Variants in MATN4 observed in about 807,000 individuals in gnomAD.
The protein encoded by MATN4 is matrilin 4.
A neutral mutation model predicts 54.6 loss-of-function variants in MATN4; 40 were observed. The observed-to-expected ratio is 0.73, with a 90% CI of 0.57 to 0.95. The LOEUF (loss-of-function observed/expected upper bound fraction) is 0.95, where lower values mean the gene tolerates loss of function less well. Among genes scored for constraint, MATN4 ranks in the 40% least tolerant of loss-of-function variants. MATN4 has a pLI of 0.00. For synonymous variants in MATN4, 351 were observed against 345.3 expected (o/e 1.02, Z -0.18); for missense variants, 810 against 819.1 (o/e 0.99, Z 0.13).
In MATN4 at chr20:45,293,781, C is replaced by T. The variant is rs138514564; in HGVS notation, c.1732G>A (p.Ala578Thr). ...GTCCGTGGCCCTCACTTCTGGTTGGCCAGCTGGTTCTCCAGATCCTCCAGG... is the reference window on the plus strand; with the variant it reads ...GTCCGTGGCCCTCACTTCTGGTTGGTCAGCTGGTTCTCCAGATCCTCCAGG... ...ARLEDLENQL[A>T]NQK Residue 578 changes from alanine (A) to threonine (T), a missense_variant, in exon 10 of 10, where the codon GCC becomes ACC. Transcript: ENST00000372756. 5 of 1,609,248 alleles carry T rather than the reference C, an allele frequency of 3.1e-6. No individual in the cohort carries two copies. Among genetic ancestry groups the T allele is most frequent in the African/African-American group, 1.3e-5 (1 of 75,022 alleles).
chr20:45,305,292 T>C (rs1986531215), intron 2 of MATN4, among the ~76,000 whole-genome samples: 1 of 152,176 alleles, frequency 6.6e-6, no homozygotes, highest in Non-Finnish European at 1.5e-5. Context: ...TTTTTCCAAA[T>C]TAAACACCCC....
intron 3 of MATN4, 28 bp from the exon 4 acceptor site, chr20:45,301,471 C>T (rs766062587): frequency 1.2e-5 from 20 of 1,605,060 alleles, no homozygotes; most frequent in African/African-American, 2.7e-5. Context: ...TCAGTCTATG[C>T]CCAGGACTGC....
In MATN4 at chr20:45,298,513, G is replaced by C. The variant is rs779994527; in HGVS notation, c.1083C>G (p.Phe361Leu). ...DGSKSVRPQN[F>L]ELVKRFVNQI... Reference sequence around the variant, plus strand: ...GGTTCACGAAGCGCTTCACTAGCTCGAAGTTTTGTGGACGCACGCTCTTGG... The same window carrying C: ...GGTTCACGAAGCGCTTCACTAGCTCCAAGTTTTGTGGACGCACGCTCTTGG... Residue 361 changes from phenylalanine to leucine, a missense_variant, in exon 7 of 10, where the codon TTC becomes TTG. Coordinates refer to ENST00000372756, the MANE Select transcript of MATN4 (RefSeq NM_001393530.1). The surrounding 1 kb of genome is among the most constrained non-coding windows in gnomAD (Gnocchi z 4.6). The C allele has an allele frequency of 9.3e-6, 15 of 1,611,990 alleles. No homozygotes were observed. In the South Asian group the frequency reaches 1.2e-4, roughly 13 times the overall value.
Position 45,293,909 on chromosome 20 carries a change from G to A in MATN4, c.1686C>T (p.Asn562=). Residue 562 remains asparagine, a splice_region_variant and synonymous_variant, in exon 9 of 10, where the codon AAC becomes AAT. Transcript: ENST00000372756. ...TLGALESLTL[N]LAQLTARLED... is the part of the protein sequence containing the mutation. ...CGCGCCACCAGCCCCAAAGGATATG[G>A]TTCAGCGTCAGGCTCTCGAGCGCCC... 3 of 1,604,246 alleles carry A rather than the reference G, an allele frequency of 1.9e-6. No individual in the cohort carries two copies. Among genetic ancestry groups the A allele is most frequent in the African/African-American group, 2.7e-5 (2 of 74,746 alleles).
At chr20:45,299,980 G>T (rs1013956024) in intron 6 of MATN4, among the ~76,000 whole-genome samples, 3 of 114,774 alleles carry the variant, frequency 2.6e-5, no homozygotes, top group African/African-American at 7.1e-5. Context: ...TGTGTGTAGG[G>T]GTGTGTGTGT....
chr20:45,298,046 A>G lies in MATN4; in HGVS notation c.1451T>C (p.Val484Ala), dbSNP rs1985964152. 5.0e-6 allele frequency: 8 copies of G among 1,613,670 alleles called. No homozygotes were observed. In the East Asian group the frequency reaches 1.6e-4, roughly 31 times the overall value. The change falls in exon 8 of 10, where the codon GTG (valine) becomes GCG (alanine). Residue 484 changes from valine to alanine, a missense_variant. Val to Ala is a moderately conservative substitution (Grantham distance 64). Coordinates refer to ENST00000372756, the MANE Select transcript of MATN4 (RefSeq NM_001393530.1). This position sits in a 1 kb window ranked among gnomAD's most constrained non-coding sequence, Gnocchi z 4.6. ...EEGIVMYAVG[V>A]GKAVEAELRE... ...CAGCTCCGCCTCCACCGCCTTGCCC[A>G]CGCCCACGGCGTACATGACGATGCC...
At chr20:45,296,493 A>G (rs1985842792) in intron 8 of MATN4, among the ~76,000 whole-genome samples, 1 of 152,312 alleles carries the variant, frequency 6.6e-6, no homozygotes, top group African/African-American at 2.4e-5. Flanking sequence ...GGAGACAGGG[A>G]ACAGTCATAC....
In MATN4 at chr20:45,301,077, A is replaced by C. The variant is rs2233097; in HGVS notation, c.889+25T>G. 5,481 of 1,614,000 alleles carry C rather than the reference A, an allele frequency of 3.4e-3. 59 individuals are homozygous for C. The African/African-American group carries it at 0.035, about 10-fold the overall frequency. ...CCAGCTAAGATCTCTTACCCCTCCC[A>C]CAAATGTAGGAGAGCCCTCCTCACC... On this transcript the variant is annotated intron_variant, in intron 5 of 9. Transcript: ENST00000372756.
chr20:45,299,675 C>T (rs1241729632), intron 6 of MATN4, among the ~76,000 whole-genome samples: 9 of 151,596 alleles, frequency 5.9e-5, no homozygotes, highest in Admixed American at 5.3e-4. Flanking sequence ...GTTAGGAGTT[C>T]GAGACCAGCC....
Position 45,304,602 on chromosome 20 carries a change from G to T in MATN4, c.269C>A (p.Ala90Glu), listed in dbSNP as rs1165144589. 1 of 1,600,016 alleles carries T rather than the reference G, an allele frequency of 6.2e-7. No homozygotes were observed. Among genetic ancestry groups the T allele is most frequent in the Non-Finnish European group, 8.6e-7 (1 of 1,168,916 alleles). The change falls in exon 3 of 10, where the codon GCG becomes GAG. Residue 90 changes from alanine (A) to glutamate (E), a missense_variant. Transcript: ENST00000372756. ...CTCCATGTCCTCGCGGCGAGAGAAC[G>T]CGCGGAGAGGGAAGACGCTCTGCAC... ...SQVQSVFPLR[A>E]FSRREDMERA...
chr20:45,305,802 A>ATTTTTTTTTTTTTTTTTTTT (rs1050722306), intron 1 of MATN4, among the ~76,000 whole-genome samples, 186 bp from the exon 2 acceptor site: 11 of 12,164 alleles, frequency 9.0e-4, no homozygotes, highest in Non-Finnish European at 1.5e-3. Flanking sequence ...AACACAAGAG[A>ATTTTTTTTTTTTTTTTTTTT]TTCTTTTTTT....
At chr20:45,300,861 A>C (rs1189624623) in intron 6 of MATN4, 26 bp downstream of exon 6, 1 of 1,610,686 alleles carries the variant, frequency 6.2e-7, no homozygotes, top group Non-Finnish European at 8.5e-7. Flanking sequence ...AGAAGCCAAC[A>C]GAACACCCTC....
intron 8 of MATN4, among the ~76,000 whole-genome samples, chr20:45,296,292 AG>A (rs1307397073): frequency 6.7e-6 from 1 of 149,822 alleles, no homozygotes; most frequent in Non-Finnish European, 1.5e-5. Context: ...AAAGTACCTT[AG>A]GAAAAAAAAG....
chr20:45,303,645 GAAGGGCCGTACC>G, intron 3 of MATN4: 1 of 606,052 alleles, frequency 1.7e-6, no homozygotes, highest in Non-Finnish European at 3.0e-6. Flanking sequence ...ACTAATTTGA[GAAGGGCCGTACC>G]AAGTGAGAGG....
intron 3 of MATN4, among the ~76,000 whole-genome samples, chr20:45,302,634 A>G (rs1004437618): frequency 9.9e-5 from 15 of 152,112 alleles, no homozygotes; most frequent in African/African-American, 3.6e-4. Context: ...AAAGATTTGC[A>G]AAGGCAGAGG....
intron 3 of MATN4, among the ~76,000 whole-genome samples, chr20:45,302,776 G>T (rs1176877828): frequency 6.6e-6 from 1 of 151,222 alleles, no homozygotes; most frequent in Non-Finnish European, 1.5e-5. Flanking sequence ...AAACTGTAAG[G>T]ATGTGCCTGT....
At position 45,304,260 on chromosome 20, in the gene MATN4, T is replaced by C; in HGVS notation, c.611A>G (p.Glu204Gly). The change falls in exon 3 of 10, where the codon GAG becomes GGG. Residue 204 changes from glutamate (E) to glycine (G), a missense_variant. Glu to Gly is a moderately conservative substitution (Grantham distance 98). Coordinates refer to ENST00000372756, the MANE Select transcript of MATN4 (RefSeq NM_001393530.1). ...FLVESFDLIQ[E>G]FGLQFQSRLC... ...CCGGCTCTGGAACTGCAGGCCGAAC[T>C]CCTGGATGAGGTCGAAGGACTCTAC... is the stretch of plus-strand genomic sequence containing the variant. The C allele has an allele frequency of 3.2e-6, 5 of 1,542,000 alleles. No homozygotes were observed. Among genetic ancestry groups the C allele is most frequent in the Non-Finnish European group, 4.4e-6 (5 of 1,148,590 alleles).
At chr20:45,301,051 A>AC (rs1478137275) in intron 5 of MATN4, 42 bp from the exon 6 acceptor site, 2 of 1,613,892 alleles carry the variant, frequency 1.2e-6, no homozygotes, top group Non-Finnish European at 1.7e-6. Context: ...GATGGACCCC[A>AC]CCAGCTAAGA....
rs751618134 is a variant in MATN4 at position 45,298,226 on chromosome 20, G to A, written c.1370C>T (p.Thr457Met). 1.2e-6 allele frequency: 2 copies of A among 1,608,060 alleles called. No individual in the cohort carries two copies. The highest frequency in any genetic ancestry group is 2.2e-5 in the East Asian group (1 of 44,706). The stretch of plus-strand genomic sequence containing the variant: ...GATGTCATCCTGGGAGCGGCCATCC[G>A]TGAAGACCAGGCCAACACGAGGCAC... ...LNVPRVGLVF[T>M]DGRSQDDISV... The change falls in exon 7 of 10, where the codon ACG (threonine) becomes ATG (methionine). Residue 457 changes from threonine (T) to methionine (M), a missense_variant. Physicochemically the swap from Thr to Met is moderately conservative, Grantham distance 81. Coordinates refer to ENST00000372756, the MANE Select transcript of MATN4 (RefSeq NM_001393530.1). This position sits in a 1 kb window ranked among gnomAD's most constrained non-coding sequence, Gnocchi z 4.6.
Sources: gnomAD v4.1 joint callset for allele counts (sites outside exome capture counted in the v4.1 genomes callset) on GRCh38, gnomAD v4.1.1 for gene constraint, Gnocchi (gnomAD v3.1) non-coding constraint, MANE v1.5 for transcripts, NCBI Gene and HGNC (gene_info 2026-07-23, HGNC 2026-07-21) for gene names.